DLG2: variants seen among roughly 807,000 people sequenced by gnomAD.
DLG2 encodes disks large homolog 2.
A neutral mutation model predicts 132.5 loss-of-function variants in DLG2; 45 were observed. The observed-to-expected ratio is 0.34, with a 90% CI of 0.27 to 0.44. DLG2 has a LOEUF of 0.44. Among genes scored for constraint, DLG2 ranks in the 20% least tolerant of loss-of-function variants. The pLI, the probability that DLG2 is intolerant of heterozygous loss-of-function variation, is 1.00. For synonymous variants in DLG2, 424 were observed against 419.6 expected, an observed-to-expected ratio of 1.01 and a Z score of -0.13; for missense variants, 1,045 against 1,196.9, an observed-to-expected ratio of 0.87 and a Z score of 1.87.
chr11:84,855,647 G>C (rs77442383), intron 6 of DLG2, among the ~76,000 whole-genome samples: 1 of 152,046 alleles, frequency 6.6e-6, no homozygotes, highest in South Asian at 2.1e-4. Context: ...TCATACTGCA[G>C]AAGAATTATG....
intron 3 of DLG2, among the ~76,000 whole-genome samples, chr11:85,484,679 T>C (rs981732305): frequency 3.3e-5 from 5 of 152,034 alleles, no homozygotes; most frequent in Non-Finnish European, 7.4e-5. Context: ...TTAGAATGGC[T>C]ATCATTAAAA....
chr11:85,080,680 G>A (rs2067121699), intron 6 of DLG2, among the ~76,000 whole-genome samples: 1 of 152,128 alleles, frequency 6.6e-6, no homozygotes, highest in Non-Finnish European at 1.5e-5. Flanking sequence ...TGTATGCAGA[G>A]TCAAAACACT....
rs138505226 is a variant in DLG2, at chr11:85,117,256, A to C, written c.283-5521T>G. Among the ~76,000 whole-genome samples the C allele has an allele frequency of 7.2e-5, 11 of 152,152 alleles. No homozygotes were observed. The East Asian group carries it at 2.1e-3, about 29-fold the overall frequency. ...AAGGGGAAACTTCCAAAGACTGAGG[A>C]AAGTGTCCATGAGGGAAAAACTCAA... is the stretch of plus-strand genomic sequence containing the variant. On this transcript the variant is annotated intron_variant, in intron 5 of 27. Coordinates refer to ENST00000376104, the MANE Select transcript of DLG2 (RefSeq NM_001142699.3).
intron 18 of DLG2, among the ~76,000 whole-genome samples, chr11:83,673,158 A>G (rs987426956): frequency 2.0e-5 from 3 of 152,216 alleles, no homozygotes; most frequent in African/African-American, 7.2e-5. Context: ...TGGACTAAAA[A>G]CATATATTTG....
At chr11:83,947,696 G>A (rs969322674) in intron 14 of DLG2, among the ~76,000 whole-genome samples, 9 of 152,284 alleles carry the variant, frequency 5.9e-5, no homozygotes, top group Middle Eastern at 3.4e-3. Context: ...ATAATAACCC[G>A]TGGCATAGGC....
chr11:84,667,111 A>C (rs1413376190), intron 6 of DLG2, among the ~76,000 whole-genome samples: 1 of 152,146 alleles, frequency 6.6e-6, no homozygotes, highest in African/African-American at 2.4e-5. Flanking sequence ...TATTATTCTT[A>C]ATACTGAATA....
intron 18 of DLG2, among the ~76,000 whole-genome samples, chr11:83,716,977 T>G (rs940404406): frequency 6.6e-6 from 1 of 152,228 alleles, no homozygotes; most frequent in Non-Finnish European, 1.5e-5. Flanking sequence ...CTTACTGTCA[T>G]GAAAGTATTC....
chr11:83,801,438 G>C (rs541881772), intron 17 of DLG2, among the ~76,000 whole-genome samples: 2 of 151,852 alleles, frequency 1.3e-5, no homozygotes, highest in African/African-American at 2.4e-5. Context: ...TCCTTTCCTC[G>C]GGCTCTGCCT....
At chr11:83,934,834 A>C (rs1435782430) in intron 14 of DLG2, among the ~76,000 whole-genome samples, 1 of 152,172 alleles carries the variant, frequency 6.6e-6, no homozygotes, top group Non-Finnish European at 1.5e-5. Context: ...TCCTCAATGC[A>C]AGAATGTATT....
intron 6 of DLG2, among the ~76,000 whole-genome samples, chr11:84,973,234 C>CT (rs2054361232): frequency 6.6e-6 from 1 of 152,148 alleles, no homozygotes; most frequent in African/African-American, 2.4e-5. Flanking sequence ...GCTGGGATTA[C>CT]AGGTGTGAGC....
intron 18 of DLG2, among the ~76,000 whole-genome samples, chr11:83,722,779 T>C (rs972646864): frequency 1.3e-5 from 2 of 152,138 alleles, no homozygotes; most frequent in Non-Finnish European, 2.9e-5. Context: ...GCAAGTCTCT[T>C]AGTCCCCAGA....
At chr11:84,052,261 C>T (rs1244365289) in intron 11 of DLG2, among the ~76,000 whole-genome samples, 1 of 151,548 alleles carries the variant, frequency 6.6e-6, no homozygotes, top group South Asian at 2.1e-4. Flanking sequence ...CATATATGTG[C>T]ATATACACAT....
chr11:84,417,433 T>C (rs1466822866), intron 7 of DLG2, among the ~76,000 whole-genome samples: 2 of 152,100 alleles, frequency 1.3e-5, no homozygotes, highest in African/African-American at 4.8e-5. Flanking sequence ...CTCCTTGTAC[T>C]AAAGTCCATC....
intron 6 of DLG2, among the ~76,000 whole-genome samples, chr11:84,566,048 T>C (rs1243914340): frequency 1.3e-5 from 2 of 150,036 alleles, no homozygotes; most frequent in Non-Finnish European, 3.0e-5. Context: ...AACCTCCGCC[T>C]CCTGGGTTAA....
chr11:85,262,489 A>C (rs1375251867), intron 4 of DLG2, among the ~76,000 whole-genome samples: 2 of 152,196 alleles, frequency 1.3e-5, no homozygotes, highest in Admixed American at 6.5e-5. Context: ...AACAAGTTTA[A>C]TGGGAGTCTG....
At chr11:85,140,558 C>T (rs182267549) in intron 5 of DLG2, among the ~76,000 whole-genome samples, 3 of 150,940 alleles carry the variant, frequency 2.0e-5, no homozygotes, top group Non-Finnish European at 3.0e-5. Context: ...ACCTCAGGAA[C>T]TTATTTTTTT....
chr11:84,342,338 G>T (rs888959756), intron 7 of DLG2, among the ~76,000 whole-genome samples: 1 of 152,202 alleles, frequency 6.6e-6, no homozygotes, highest in African/African-American at 2.4e-5. Context: ...AATACAGCAG[G>T]AGTGTAATCT....
chr11:84,366,592 G>C (rs1006914773), intron 7 of DLG2, among the ~76,000 whole-genome samples: 2 of 151,934 alleles, frequency 1.3e-5, no homozygotes, highest in Non-Finnish European at 2.9e-5. Flanking sequence ...ACACACATAG[G>C]CTCAAAATAA....
At position 85,038,913 on chromosome 11, in the gene DLG2, T is replaced by C. The variant is rs1332369738; in HGVS notation, c.357+72748A>G. ...TGATACAATTTTTAAAATACCTTTT[T>C]TTCTCAGTATACCTGGAACTCCTGG... is the stretch of plus-strand genomic sequence containing the variant. On this transcript the variant is annotated intron_variant, in intron 6 of 27. Transcript: ENST00000376104. Among the ~76,000 whole-genome samples the C allele has an allele frequency of 4.6e-5, 7 of 152,166 alleles. 1 individual carries two copies. Among genetic ancestry groups the C allele is most frequent in the African/African-American group, 1.7e-4 (7 of 41,560 alleles).
Sources: gnomAD v4.1 joint callset for allele counts (sites outside exome capture counted in the v4.1 genomes callset) on GRCh38, gnomAD v4.1.1 for gene constraint, MANE v1.5 for transcripts, NCBI Gene and HGNC (gene_info 2026-07-23, HGNC 2026-07-21) for gene names.